Variants in KLHL14 observed in about 807,000 individuals in gnomAD.
KLHL14 encodes kelch-like protein 14.
Under a neutral mutation model 64.3 loss-of-function variants are expected in KLHL14, and 22 were observed. The observed-to-expected ratio is 0.34, with a 90% confidence interval of 0.24 to 0.49. The LOEUF (loss-of-function observed/expected upper bound fraction) is 0.49. Ranked by LOEUF, KLHL14 falls within the 20% of genes least tolerant of loss-of-function variation. The pLI, the probability that KLHL14 is intolerant of heterozygous loss-of-function variation, is 0.99. For missense variants in KLHL14, 661 were observed against 789.0 expected (o/e 0.84, Z 1.94); for synonymous variants, 322 against 333.4 (o/e 0.97, Z 0.37).
intron 3 of KLHL14, among the ~76,000 whole-genome samples, chr18:32,723,900 T>G (rs2050092473): frequency 6.6e-6 from 1 of 152,208 alleles, no homozygotes; most frequent in Non-Finnish European, 1.5e-5. Flanking sequence ...GCATGCTCAA[T>G]TTTAATATGG....
At chr18:32,694,022 T>A (rs994939107) in intron 4 of KLHL14, among the ~76,000 whole-genome samples, 1 of 152,256 alleles carries the variant, frequency 6.6e-6, no homozygotes, top group African/African-American at 2.4e-5. Context: ...TGGAACAGGT[T>A]TTCTGTGTTG....
intron 3 of KLHL14, among the ~76,000 whole-genome samples, chr18:32,739,268 T>C (rs2050182834): frequency 6.6e-6 from 1 of 152,094 alleles, no homozygotes; most frequent in South Asian, 2.1e-4. Context: ...CCTTAGGCTT[T>C]ATTAGATTTG....
At chr18:32,716,925 A>C (rs544819738) in intron 3 of KLHL14, among the ~76,000 whole-genome samples, 6 of 152,028 alleles carry the variant, frequency 3.9e-5, no homozygotes, top group Non-Finnish European at 5.9e-5. Flanking sequence ...ACATATTCTT[A>C]TTTGTCCCAA....
chr18:32,695,370 TTTTCCACACTAATTACAAAATGGAC>T, intron 4 of KLHL14, 68 bp downstream of exon 4: 1 of 800,098 alleles, frequency 1.2e-6, no homozygotes, highest in Non-Finnish European at 2.2e-6. Flanking sequence ...CAGAAATGTA[TTTTCCACACTAATTACAAAATGGAC>T]TGCTACTGAT....
rs1353341515 is a variant in KLHL14, at chr18:32,770,329, G to A, written c.263C>T (p.Pro88Leu). ...LGAPKDQQQPPQQQPSQQQQP... is the reference protein window; with the variant it reads ...LGAPKDQQQPLQQQPSQQQQP... ...CTGCTGCTGTGACGGCTGCTGCTGC[G>A]GCGGCTGCTGCTGGTCCTTGGGGGC... is the stretch of plus-strand genomic sequence containing the variant. The change falls in exon 2 of 9, where the codon CCG becomes CTG. Residue 88 changes from proline (P) to leucine (L), a missense_variant. Pro to Leu is a moderately conservative substitution (Grantham distance 98, BLOSUM62 -3). Around this residue, in one of 2 missense-constraint regions of KLHL14, gnomAD observed 331 missense variants for 339.0 expected, o/e 0.98. Transcript: ENST00000359358. The surrounding 1 kb of genome is among the most constrained non-coding windows in gnomAD (Gnocchi z 6.7). 2.0e-5 allele frequency: 31 copies of A among 1,584,074 alleles called. No homozygotes were observed. The highest frequency in any genetic ancestry group is 2.5e-5 in the Non-Finnish European group (29 of 1,165,738).
chr18:32,693,409 C>CAGAGAGAGAGAGAG (rs1300511311), intron 4 of KLHL14, among the ~76,000 whole-genome samples: 1 of 116,712 alleles, frequency 8.6e-6, no homozygotes, highest in African/African-American at 3.6e-5. Flanking sequence ...CACACACACA[C>CAGAGAGAGAGAGAG]ACACAGAGAG....
At chr18:32,740,548 C>A (rs1313709154) in intron 3 of KLHL14, among the ~76,000 whole-genome samples, 1 of 152,130 alleles carries the variant, frequency 6.6e-6, no homozygotes, top group Non-Finnish European at 1.5e-5. Flanking sequence ...TTCTTTCTAT[C>A]CAGGCTTTCA....
At chr18:32,748,439 T>A (rs1452701436) in intron 2 of KLHL14, among the ~76,000 whole-genome samples, 4 of 151,980 alleles carry the variant, frequency 2.6e-5, no homozygotes, top group Non-Finnish European at 5.9e-5. Flanking sequence ...GCGCCATCTC[T>A]GCTCACTGCA....
At chr18:32,739,237 G>T (rs73411257) in intron 3 of KLHL14, among the ~76,000 whole-genome samples, 6,365 of 152,100 alleles carry the variant, frequency 0.042, 446 homozygotes, top group African/African-American at 0.14. Context: ...CAAAAGAATG[G>T]CAGTGGAAAG....
At chr18:32,750,414 T>C (rs1348161006) in intron 2 of KLHL14, among the ~76,000 whole-genome samples, 2 of 152,194 alleles carry the variant, frequency 1.3e-5, no homozygotes, top group African/African-American at 2.4e-5. Flanking sequence ...AAAGTACTCA[T>C]TTGAAAATTC....
chr18:32,769,573 G>GCCCCC, intron 2 of KLHL14, 72 bp downstream of exon 2: 1 of 356,304 alleles, frequency 2.8e-6, no homozygotes, highest in South Asian at 5.4e-5. Context: ...CCTCCTCCCT[G>GCCCCC]CCCCCTCCCC....
At chr18:32,719,563 G>A (rs564996320) in intron 3 of KLHL14, among the ~76,000 whole-genome samples, 38 of 152,300 alleles carry the variant, frequency 2.5e-4, no homozygotes, top group African/African-American at 8.7e-4. Flanking sequence ...AAGGTAAACT[G>A]ACTTTGATGT....
At chr18:32,731,844 T>C (rs572733094) in intron 3 of KLHL14, among the ~76,000 whole-genome samples, 90 of 152,270 alleles carry the variant, frequency 5.9e-4, no homozygotes, top group African/African-American at 2.0e-3. Flanking sequence ...ATTAAAAATA[T>C]CTGAGGGAAA....
intron 2 of KLHL14, among the ~76,000 whole-genome samples, chr18:32,746,850 C>T (rs910939977): frequency 6.6e-6 from 1 of 152,166 alleles, no homozygotes; most frequent in Non-Finnish European, 1.5e-5. Flanking sequence ...CAACTGAAGG[C>T]ATTAGAAATT....
At chr18:32,693,394 A>ACC in intron 4 of KLHL14, among the ~76,000 whole-genome samples, 1 of 119,214 alleles carries the variant, frequency 8.4e-6, no homozygotes, top group Non-Finnish European at 1.8e-5. Flanking sequence ...ACACACACAC[A>ACC]CACACACACA....
At chr18:32,675,932 A>G (rs1427413357) in intron 8 of KLHL14, among the ~76,000 whole-genome samples, 1 of 152,156 alleles carries the variant, frequency 6.6e-6, no homozygotes, top group Non-Finnish European at 1.5e-5. Flanking sequence ...GTTAGAGGCA[A>G]AAGAAATAAA....
chr18:32,707,068 A>C (rs1365963489), intron 3 of KLHL14, among the ~76,000 whole-genome samples: 2 of 152,196 alleles, frequency 1.3e-5, no homozygotes, highest in Non-Finnish European at 2.9e-5. Flanking sequence ...TCCCACCACA[A>C]GAAGATTAAT....
chr18:32,698,282 G>A (rs532339308), intron 3 of KLHL14, among the ~76,000 whole-genome samples: 2 of 152,202 alleles, frequency 1.3e-5, no homozygotes, highest in African/African-American at 2.4e-5. Flanking sequence ...CCTCGCCCTC[G>A]CAAGCAGATA....
At chr18:32,742,412 C>T (rs2050203740) in intron 2 of KLHL14, among the ~76,000 whole-genome samples, 1 of 152,102 alleles carries the variant, frequency 6.6e-6, no homozygotes, top group South Asian at 2.1e-4. Flanking sequence ...TGTCAAAAAT[C>T]GTATTAGTCA....
Sources: allele counts gnomAD v4.1 joint callset (sites outside exome capture counted in the v4.1 genomes callset), GRCh38; gene constraint gnomAD v4.1.1; regional missense constraint gnomAD v4.1.1; non-coding constraint Gnocchi (gnomAD v3.1); transcripts MANE v1.5; gene names NCBI Gene and HGNC (gene_info 2026-07-23, HGNC 2026-07-21).